LCOR: variants seen among roughly 807,000 people sequenced by gnomAD.
LCOR encodes ligand-dependent corepressor.
LCOR carries 14 observed loss-of-function variants against 64.4 expected under a neutral mutation model. The ratio of observed to expected loss-of-function variants is 0.22; its 90% confidence interval spans 0.14 to 0.34. The LOEUF (loss-of-function observed/expected upper bound fraction) is 0.34. Among genes scored for constraint, LCOR ranks in the 10% least tolerant of loss-of-function variants. The pLI, the probability that LCOR is intolerant of heterozygous loss-of-function variation, is 1.00. For synonymous variants in LCOR, 643 were observed against 642.5 expected (o/e 1.00, Z -0.01); for missense variants, 1,686 against 1,765.3 (o/e 0.96, Z 0.80).
chr10:96,897,399 C>A (rs1268801154), intron 2 of LCOR, among the ~76,000 whole-genome samples: 2 of 152,158 alleles, frequency 1.3e-5, no homozygotes, highest in Non-Finnish European at 2.9e-5. Flanking sequence ...ATGTAATTGA[C>A]TCATTCCTGA....
At chr10:96,856,044 A>T (rs143052735) in intron 2 of LCOR, among the ~76,000 whole-genome samples, 1 of 151,672 alleles carries the variant, frequency 6.6e-6, no homozygotes, top group Non-Finnish European at 1.5e-5. Flanking sequence ...GCCCCTGGCC[A>T]TCTATTGCTG....
Position 96,885,392 on chromosome 10 carries a change from G to GT in LCOR, c.-329-21866dup, listed in dbSNP as rs549898722. Reference sequence around the variant, plus strand: ...AGGTTTTGTTTTTGTTTTTGTTTTCGTTTTTTTGAGACAGGCTTTCACTCT... The same window carrying GT: ...AGGTTTTGTTTTTGTTTTTGTTTTCGTTTTTTTTGAGACAGGCTTTCACTCT... On this transcript the variant is annotated intron_variant, in intron 2 of 7. Coordinates refer to ENST00000421806, the MANE Select transcript of LCOR (RefSeq NM_001346516.2). Among the ~76,000 whole-genome samples, 160 of 151,508 alleles carry GT rather than the reference G, an allele frequency of 1.1e-3. No homozygotes were observed. In the South Asian group the frequency reaches 0.018, roughly 17 times the overall value.
At chr10:96,959,431 T>G (rs867727024) in intron 7 of LCOR, 3 of 152,180 alleles carry the variant, frequency 2.0e-5, no homozygotes, top group Non-Finnish European at 4.4e-5. Flanking sequence ...TAAAATAATT[T>G]TTTGCATTTT....
rs375266535 is a variant in LCOR, at chr10:96,916,587, C to CCATATATATATATA, written c.-184+8840_-184+8841insCATATATATATATA. Among the ~76,000 whole-genome samples, 129 of 138,208 alleles carry CCATATATATATATA rather than the reference C, an allele frequency of 9.3e-4. 2 individuals are homozygous for CCATATATATATATA. The highest frequency in any genetic ancestry group is 3.6e-3 in the Middle Eastern group (1 of 280). The allele number at this position is 138,208 out of a possible 152,430, so 90.7% of individuals were successfully genotyped here. ...GAAACACATATGAGATATTTAAAGG[C>CCATATATATATATA]TATATATATATATATATATCTATAT... is the stretch of plus-strand genomic sequence containing the variant. On this transcript the variant is annotated intron_variant, in intron 4 of 7. Coordinates refer to ENST00000421806, the MANE Select transcript of LCOR (RefSeq NM_001346516.2).
chr10:96,914,320 C>G (rs1430131856), intron 4 of LCOR, among the ~76,000 whole-genome samples: 1 of 152,282 alleles, frequency 6.6e-6, no homozygotes, highest in South Asian at 2.1e-4. Flanking sequence ...CCTTAGCCCC[C>G]CTGAGTAGCT....
At chr10:96,851,558 C>T (rs888320240) in intron 2 of LCOR, among the ~76,000 whole-genome samples, 46 of 152,238 alleles carry the variant, frequency 3.0e-4, no homozygotes, top group Middle Eastern at 3.4e-3. Flanking sequence ...AGAGAGAGAA[C>T]ATGGTGAAAT....
chr10:96,898,400 T>G (rs1476665491), intron 2 of LCOR, among the ~76,000 whole-genome samples: 3 of 152,126 alleles, frequency 2.0e-5, no homozygotes, highest in African/African-American at 7.2e-5. Flanking sequence ...AAAAGATAAT[T>G]TGGGATCAGA....
At chr10:96,851,417 C>A (rs1445986174) in intron 2 of LCOR, among the ~76,000 whole-genome samples, 1 of 152,128 alleles carries the variant, frequency 6.6e-6, no homozygotes, top group Non-Finnish European at 1.5e-5. Flanking sequence ...GCTTTTCAAA[C>A]GAAGTTTTAG....
chr10:96,943,916 A>G (rs796223168), intron 4 of LCOR, among the ~76,000 whole-genome samples, 197 bp from the exon 5 acceptor site: 10 of 152,344 alleles, frequency 6.6e-5, no homozygotes, highest in African/African-American at 2.4e-4. Flanking sequence ...AAAGAAGTAG[A>G]TAAAATCCAG....
chr10:96,966,290 G>A (rs1308082040), intron 7 of LCOR, among the ~76,000 whole-genome samples: 19 of 140,254 alleles, frequency 1.4e-4, no homozygotes, highest in Admixed American at 1.0e-3. Flanking sequence ...GTGCAGTGGC[G>A]CGATCTCGGC....
At position 96,966,874 on chromosome 10, in the gene LCOR, T is replaced by G. The variant is rs1847955777; in HGVS notation, c.333-13919T>G. On this transcript the variant is annotated intron_variant, in intron 7 of 7. Coordinates refer to ENST00000421806, the MANE Select transcript of LCOR (RefSeq NM_001346516.2). ...CCTCAGCCTCCTGAGTAGCTGGAAC[T>G]GCAGGCACATGCTGCCATGCCTGGC... is the stretch of plus-strand genomic sequence containing the variant. 2.0e-5 allele frequency among the ~76,000 whole-genome samples: 3 copies of G among 152,204 alleles called. No homozygotes were observed. In the South Asian group the frequency reaches 6.2e-4, roughly 31 times the overall value.
chr10:96,866,142 C>A (rs1004993210), intron 2 of LCOR, among the ~76,000 whole-genome samples: 5 of 152,128 alleles, frequency 3.3e-5, no homozygotes, highest in Non-Finnish European at 5.9e-5. Flanking sequence ...CTGAAATATT[C>A]ATATAGCATA....
Position 96,907,707 on chromosome 10 carries a change from A to G in LCOR, c.-224A>G, listed in dbSNP as rs190038866. 1.0e-4 allele frequency: 100 copies of G among 984,728 alleles called. No individual in the cohort carries two copies. The African/African-American group carries it at 1.7e-3, about 17-fold the overall frequency. 61.0% of individuals were successfully genotyped at this position (984,728 alleles called of 1,614,324 possible). On this transcript the variant is annotated 5_prime_UTR_variant, in exon 4 of 8. Coordinates refer to ENST00000421806, the MANE Select transcript of LCOR (RefSeq NM_001346516.2). ...AGCATTTCTGATTGGACTTTTGATG[A>G]AAACTGTTTATTCTGTTGCTTGAGA...
chr10:96,914,694 C>T (rs568863132), intron 4 of LCOR, among the ~76,000 whole-genome samples: 2 of 152,270 alleles, frequency 1.3e-5, no homozygotes, highest in South Asian at 2.1e-4. Context: ...ACTATAAAAC[C>T]GAATGAAGTC....
chr10:96,895,199 A>G (rs757471885), intron 2 of LCOR, among the ~76,000 whole-genome samples: 4 of 152,208 alleles, frequency 2.6e-5, no homozygotes, highest in Non-Finnish European at 5.9e-5. Context: ...ATTTCTAAGT[A>G]GCATCTCAGA....
chr10:96,851,625 G>A lies in LCOR; in HGVS notation c.-330+18146G>A, dbSNP rs188805969. Among the ~76,000 whole-genome samples the A allele has an allele frequency of 4.6e-5, 7 of 152,282 alleles. No homozygotes were observed. The East Asian group carries it at 1.4e-3, about 29-fold the overall frequency. On this transcript the variant is annotated intron_variant, in intron 2 of 7. Transcript: ENST00000421806. ...CTAAGACAGAAAATGTTGTGAATGA[G>A]GCAGATGACTCTGGAGCAAACATTT...
chr10:96,843,183 G>A (rs2134367047), intron 2 of LCOR, among the ~76,000 whole-genome samples: 1 of 152,176 alleles, frequency 6.6e-6, no homozygotes, highest in East Asian at 1.9e-4. Context: ...GGAATGCAGC[G>A]GCATGATCAT....
At chr10:96,897,638 A>AT (rs1050251389) in intron 2 of LCOR, among the ~76,000 whole-genome samples, 10 of 152,308 alleles carry the variant, frequency 6.6e-5, no homozygotes, top group Admixed American at 2.6e-4. Context: ...ACTACTCAGT[A>AT]TATCTTTCTT....
intron 2 of LCOR, among the ~76,000 whole-genome samples, chr10:96,875,307 C>T (rs1846144502): frequency 6.6e-6 from 1 of 151,614 alleles, no homozygotes; most frequent in Admixed American, 6.6e-5. Flanking sequence ...TGGCATGAAC[C>T]CAGGAGGCAG....
Sources: gnomAD v4.1 joint callset for allele counts (sites outside exome capture counted in the v4.1 genomes callset) on GRCh38, gnomAD v4.1.1 for gene constraint, MANE v1.5 for transcripts, NCBI Gene and HGNC (gene_info 2026-07-23, HGNC 2026-07-21) for gene names.